The following MTA3 variants were observed in gnomAD, a reference collection of about 807,000 sequenced individuals.
The protein encoded by MTA3 is metastasis-associated protein MTA3.
A neutral mutation model predicts 83.5 loss-of-function variants in MTA3; 34 were observed. The observed-to-expected ratio is 0.41, with a 90% CI of 0.31 to 0.54. The LOEUF is 0.54. Among genes scored for constraint, MTA3 ranks in the 20% least tolerant of loss-of-function variants. The pLI is 0.33. For synonymous variants in MTA3, 303 were observed against 252.7 expected (o/e 1.20, Z -1.89); for missense variants, 761 against 726.4 (o/e 1.05, Z -0.55).
chr2:42,528,716 C>T (rs1675829603), intron 2 of MTA3, among the ~76,000 whole-genome samples: 2 of 152,132 alleles, frequency 1.3e-5, no homozygotes, highest in Admixed American at 6.6e-5. Context: ...CAGCCACTTT[C>T]AGTTTTGTTT....
intron 11 of MTA3, chr2:42,702,872 G>A (rs1017917721): frequency 6.6e-6 from 1 of 152,186 alleles, no homozygotes. Context: ...AGATAATCTG[G>A]GCTGCACGTT....
chr2:42,617,806 A>G (rs1685084898), intron 4 of MTA3, among the ~76,000 whole-genome samples: 3 of 152,198 alleles, frequency 2.0e-5, no homozygotes, highest in Non-Finnish European at 4.4e-5. Flanking sequence ...TGCGTAAAAT[A>G]AAATTTGCAC....
rs34154066 is a variant in MTA3 at position 42,674,596 on chromosome 2, C to CTTTT, written c.703-7787_703-7784dup. Among the ~76,000 whole-genome samples the CTTTT allele has an allele frequency of 3.0e-4, 34 of 114,320 alleles. 1 individual carries two copies. Among genetic ancestry groups the CTTTT allele is most frequent in the African/African-American group, 6.5e-4 (19 of 29,220 alleles). The allele number at this position is 114,320 out of a possible 152,430, so 75.0% of individuals were successfully genotyped here. A position where few individuals can be genotyped will look rare whatever the true frequency, so the allele number is the denominator to read the frequency against. ...AGACTTTTAGTTTAGTTTTCTTCTTCTTTTTTTTTTTTTTTTTTTTTGAGA... is the reference window on the plus strand; with the variant it reads ...AGACTTTTAGTTTAGTTTTCTTCTTCTTTTTTTTTTTTTTTTTTTTTTTTTGAGA... On this transcript the variant is annotated intron_variant, in intron 8 of 16. Transcript: ENST00000405094.
intron 2 of MTA3, among the ~76,000 whole-genome samples, chr2:42,515,407 C>G (rs1308730555): frequency 1.3e-5 from 2 of 152,146 alleles, no homozygotes; most frequent in East Asian, 3.8e-4. Context: ...TAGTCTTGAA[C>G]TCCTGGACTC....
intron 4 of MTA3, among the ~76,000 whole-genome samples, chr2:42,610,580 C>T (rs1202664190): frequency 6.6e-6 from 1 of 152,116 alleles, no homozygotes; most frequent in Non-Finnish European, 1.5e-5. Context: ...CGGTGGTTTT[C>T]TATGATCTAC....
chr2:42,496,796 A>G (rs1436853153), intron 2 of MTA3, among the ~76,000 whole-genome samples: 2 of 151,994 alleles, frequency 1.3e-5, no homozygotes, highest in Non-Finnish European at 2.9e-5. Flanking sequence ...TGCTGCCACA[A>G]CCTTCTACCT....
At chr2:42,642,492 T>G (rs181162612) in intron 5 of MTA3, among the ~76,000 whole-genome samples, 2 of 151,916 alleles carry the variant, frequency 1.3e-5, no homozygotes, top group East Asian at 3.9e-4. Context: ...GTCGTCTCTA[T>G]TAAAAAAAAA....
In MTA3 at chr2:42,682,428, C is replaced by T; in HGVS notation, c.730C>T (p.His244Tyr). 1 of 1,609,494 alleles carries T rather than the reference C, an allele frequency of 6.2e-7. No individual in the cohort carries two copies. Among genetic ancestry groups the T allele is most frequent in the East Asian group, 2.2e-5 (1 of 44,800 alleles). Residue 244 changes from histidine to tyrosine, a missense_variant, in exon 9 of 17, where the codon CAC (histidine) becomes TAC (tyrosine). His to Tyr is a moderately conservative substitution (Grantham distance 83). Coordinates refer to ENST00000405094, the MANE Select transcript of MTA3 (RefSeq NM_001330442.2). ...TCACGCTATGGATACATTGTATAGA[C>T]ACAGCTATGATTTGAGCAGTGCCAT... Reference protein sequence around the residue: ...LFHAMDTLYRHSYDLSSAISV... With the variant: ...LFHAMDTLYRYSYDLSSAISV...
chr2:42,756,884 T>C lies in MTA3; in HGVS notation c.*3485T>C, dbSNP rs1216246937. The C allele has an allele frequency of 3.0e-5, 30 of 985,364 alleles. No homozygotes were observed. The highest frequency in any genetic ancestry group is 3.6e-5 in the Non-Finnish European group (30 of 829,960). The allele number at this position is 985,364 out of a possible 1,614,324, so 61.0% of individuals were successfully genotyped here. On this transcript the variant is annotated 3_prime_UTR_variant, in exon 17 of 17. Transcript: ENST00000405094. ...GATACCACAGTGTGGATTGTCTGTCTGTAAGGAGATGCCATCTACTAACCA... is the reference window on the plus strand; with the variant it reads ...GATACCACAGTGTGGATTGTCTGTCCGTAAGGAGATGCCATCTACTAACCA...
chr2:42,514,488 A>G (rs1335203270), intron 2 of MTA3, among the ~76,000 whole-genome samples: 1 of 151,800 alleles, frequency 6.6e-6, no homozygotes, highest in Non-Finnish European at 1.5e-5. Flanking sequence ...GATTCAAGCA[A>G]TTATCCTGCC....
chr2:42,592,154 A>G (rs1223561922), intron 3 of MTA3, among the ~76,000 whole-genome samples: 1 of 151,958 alleles, frequency 6.6e-6, no homozygotes, highest in Admixed American at 6.6e-5. Flanking sequence ...GTCCCAGCTA[A>G]GGGAGGCTGA....
At chr2:42,535,901 ATG>A (rs1676208495) in intron 2 of MTA3, among the ~76,000 whole-genome samples, 2 of 66,690 alleles carry the variant, frequency 3.0e-5, no homozygotes, top group Non-Finnish European at 6.7e-5. Context: ...GGAGGATCCC[ATG>A]AGCCCAGGAG....
chr2:42,664,809 G>C (rs1558559253), intron 8 of MTA3, among the ~76,000 whole-genome samples: 2 of 152,006 alleles, frequency 1.3e-5, no homozygotes, highest in East Asian at 3.9e-4. Context: ...TTTATTCTGA[G>C]GACTTCAATG....
At chr2:42,672,488 C>G (rs1553380562) in intron 8 of MTA3, among the ~76,000 whole-genome samples, 1 of 150,812 alleles carries the variant, frequency 6.6e-6, no homozygotes, top group Non-Finnish European at 1.5e-5. Context: ...ACTAAAAATA[C>G]AAAAAAATTA....
chr2:42,569,609 A>C (rs1176126132), intron 1 of MTA3: 9 of 152,190 alleles, frequency 5.9e-5, no homozygotes, highest in Non-Finnish European at 8.8e-5. Context: ...GCCACTTTGC[A>C]GAAGAGAGCG....
chr2:42,663,732 G>A (rs1689953665), intron 8 of MTA3, among the ~76,000 whole-genome samples: 1 of 152,080 alleles, frequency 6.6e-6, no homozygotes, highest in African/African-American at 2.4e-5. Context: ...CCCAATGTAG[G>A]CAACAGAGTA....
chr2:42,609,975 C>G (rs1045850416), intron 4 of MTA3, among the ~76,000 whole-genome samples: 3 of 152,124 alleles, frequency 2.0e-5, no homozygotes, highest in African/African-American at 4.8e-5. Context: ...TGGTATGCAC[C>G]TGTAATCCTA....
intron 16 of MTA3, among the ~76,000 whole-genome samples, chr2:42,743,341 T>C (rs1243578841): frequency 1.3e-5 from 2 of 152,232 alleles, no homozygotes; most frequent in Non-Finnish European, 2.9e-5. Flanking sequence ...TGTGAAGTGA[T>C]ACAGACCATC....
intron 9 of MTA3, among the ~76,000 whole-genome samples, chr2:42,683,508 A>G (rs935866188): frequency 6.6e-6 from 1 of 152,122 alleles, no homozygotes; most frequent in East Asian, 1.9e-4. Flanking sequence ...CATTACGTTT[A>G]TTGTGCACTT....
Sources: allele counts gnomAD v4.1 joint callset (sites outside exome capture counted in the v4.1 genomes callset), GRCh38; gene constraint gnomAD v4.1.1; transcripts MANE v1.5; gene names NCBI Gene and HGNC (gene_info 2026-07-23, HGNC 2026-07-21).